Variants in DST observed in about 807,000 individuals in gnomAD.
The protein encoded by DST is bullous pemphigoid antigen.
A neutral mutation model predicts 875.2 loss-of-function variants in DST; 253 were observed. That is an observed-to-expected ratio of 0.29 (90% CI 0.26 to 0.32). The LOEUF is 0.32. Among genes scored for constraint, DST ranks in the 10% least tolerant of loss-of-function variants. The pLI, the probability that DST is intolerant of heterozygous loss-of-function variation, is 1.00. For missense variants in DST, 8,287 were observed against 9,111.6 expected (o/e 0.91, Z 3.68); for synonymous variants, 3,124 against 3,197.1 (o/e 0.98, Z 0.77).
rs747497390 is a variant in DST at position 56,604,792 on chromosome 6, T to C, written c.9836A>G (p.His3279Arg). ...EATLSILSRK[H>R]VEDVGKNDFL... ...ATCATTTTTCCCAACATCTTCTACATGTTTACGAGATAATATTGAAAGTGT... is the reference window on the plus strand; with the variant it reads ...ATCATTTTTCCCAACATCTTCTACACGTTTACGAGATAATATTGAAAGTGT... The change falls in exon 40 of 104, where the codon CAT becomes CGT. Residue 3279 changes from histidine (H) to arginine (R), a missense_variant. His to Arg is a conservative substitution (Grantham distance 29). This residue lies in a region of DST where 3,138 missense variants were observed against 3,116.6 expected (regional missense o/e 1.01). Transcript: ENST00000680361. The C allele has an allele frequency of 3.1e-6, 5 of 1,612,918 alleles. No homozygotes were observed. The East Asian group carries it at 6.7e-5, about 22-fold the overall frequency.
chr6:56,912,965 A>T (rs1269038450), intron 2 of DST, among the ~76,000 whole-genome samples: 1 of 152,196 alleles, frequency 6.6e-6, no homozygotes, highest in African/African-American at 2.4e-5. Flanking sequence ...GCTGGTGGCA[A>T]AATCAAATTT....
rs148477548 is a variant in DST at position 56,528,820 on chromosome 6, T to C, written c.17680+21A>G. 2,773 of 1,451,284 alleles carry C rather than the reference T, an allele frequency of 1.9e-3. 31 individuals are homozygous for C. The highest frequency in any genetic ancestry group is 7.9e-4 in the Non-Finnish European group (828 of 1,052,482). 89.9% of individuals were successfully genotyped at this position (1,451,284 alleles called of 1,614,324 possible). On this transcript the variant is annotated intron_variant, in intron 67 of 103. Transcript: ENST00000680361. ...TATAAAATGCTGACCACATGATGATTTGATTTGAAAGATATCTCACCTGTG... is the reference window on the plus strand; with the variant it reads ...TATAAAATGCTGACCACATGATGATCTGATTTGAAAGATATCTCACCTGTG...
At chr6:56,765,482 A>G (rs1374143672) in intron 4 of DST, among the ~76,000 whole-genome samples, 1 of 152,256 alleles carries the variant, frequency 6.6e-6, no homozygotes, top group Non-Finnish European at 1.5e-5. Flanking sequence ...CAACCATAGT[A>G]GAAATAATGC....
intron 27 of DST, among the ~76,000 whole-genome samples, chr6:56,633,871 C>T (rs1254475274): frequency 6.6e-6 from 1 of 152,200 alleles, no homozygotes; most frequent in Non-Finnish European, 1.5e-5. Flanking sequence ...CTGTACCCAT[C>T]ATCGTATATC....
Position 56,618,123 on chromosome 6 carries a change from C to G in DST, c.4930-3639G>C, listed in dbSNP as rs369745616. 17 of 1,613,996 alleles carry G rather than the reference C, an allele frequency of 1.1e-5. No homozygotes were observed. Among genetic ancestry groups the G allele is most frequent in the Non-Finnish European group, 1.4e-5 (16 of 1,180,030 alleles). Reference sequence around the variant, plus strand: ...AGTCTTGTAATGGGGTTTGTCTCATCAAAAGTTATCTGTAACTCGGTGCTT... The same window carrying G: ...AGTCTTGTAATGGGGTTTGTCTCATGAAAAGTTATCTGTAACTCGGTGCTT... On this transcript the variant is annotated intron_variant, in intron 36 of 103. Coordinates refer to ENST00000680361, the MANE Select transcript of DST (RefSeq NM_001374736.1).
intron 49 of DST, among the ~76,000 whole-genome samples, chr6:56,588,207 G>T (rs1414626142): frequency 1.3e-5 from 2 of 152,100 alleles, no homozygotes; most frequent in African/African-American, 4.8e-5. Flanking sequence ...TAGTCTAAAA[G>T]GTCCAATGAA....
At chr6:56,704,004 A>T (rs887576911) in intron 6 of DST, among the ~76,000 whole-genome samples, 4 of 152,190 alleles carry the variant, frequency 2.6e-5, no homozygotes, top group Non-Finnish European at 4.4e-5. Context: ...AAGCAAAAAA[A>T]CCCAAAGGTA....
intron 9 of DST, among the ~76,000 whole-genome samples, chr6:56,698,017 G>T (rs1325856263): frequency 6.6e-6 from 1 of 152,088 alleles, no homozygotes; most frequent in Non-Finnish European, 1.5e-5. Flanking sequence ...GTCCTTTGGG[G>T]TCCTGGCTTC....
intron 9 of DST, among the ~76,000 whole-genome samples, chr6:56,671,904 A>C (rs1190297758): frequency 6.6e-6 from 1 of 152,200 alleles, no homozygotes; most frequent in Non-Finnish European, 1.5e-5. Context: ...CATAGGTTTG[A>C]ATAATTCATT....
At chr6:56,804,453 G>C (rs1003662417) in intron 4 of DST, among the ~76,000 whole-genome samples, 3 of 152,060 alleles carry the variant, frequency 2.0e-5, no homozygotes, top group Non-Finnish European at 4.4e-5. Flanking sequence ...GATTTAAAGA[G>C]AAAGAAATAA....
intron 4 of DST, among the ~76,000 whole-genome samples, chr6:56,849,241 A>T (rs944396472): frequency 6.7e-6 from 1 of 149,566 alleles, no homozygotes; most frequent in Non-Finnish European, 1.5e-5. Flanking sequence ...GGTTCAAGCA[A>T]TTCTCCTGCC....
At position 56,482,073 on chromosome 6, in the gene DST, G is replaced by A. The variant is rs535961631; in HGVS notation, c.21508C>T (p.Arg7170Trp). ...ACTTTATGCTGATCAATGAGAGTCC[G>A]GAGAGCATCCTCATCATCTGGGAGG... ...GVLPDDEDAL[R>W]TLIDQHKEFM... The change falls in exon 90 of 104, where the codon CGG (arginine) becomes TGG (tryptophan). Residue 7170 changes from arginine to tryptophan, a missense_variant. Transcript: ENST00000680361. 6.2e-6 allele frequency: 10 copies of A among 1,613,490 alleles called. No individual in the cohort carries two copies. The highest frequency in any genetic ancestry group is 4.5e-5 in the East Asian group (2 of 44,856).
At chr6:56,624,168 C>T (rs1193670762) in intron 36 of DST, among the ~76,000 whole-genome samples, 1 of 152,038 alleles carries the variant, frequency 6.6e-6, no homozygotes, top group Non-Finnish European at 1.5e-5. Context: ...ATCATACCAG[C>T]AGTAACTATA....
intron 22 of DST, among the ~76,000 whole-genome samples, chr6:56,638,271 C>G (rs1233361124): frequency 6.6e-6 from 1 of 152,012 alleles, no homozygotes; most frequent in Non-Finnish European, 1.5e-5. Context: ...ACATCCCAGG[C>G]CCTCCATTAC....
intron 4 of DST, chr6:56,742,272 C>A (rs1160743702): frequency 7.8e-7 from 1 of 1,286,802 alleles, no homozygotes; most frequent in Admixed American, 2.3e-5. Flanking sequence ...ACTACTAACC[C>A]ATACAGCACA....
chr6:56,708,464 A>G (rs138604666), intron 5 of DST, among the ~76,000 whole-genome samples: 71 of 152,268 alleles, frequency 4.7e-4, no homozygotes, highest in African/African-American at 1.7e-3. Context: ...GCTATCCCCA[A>G]TACTGCCTGC....
chr6:56,781,818 C>A (rs1022449086), intron 4 of DST, among the ~76,000 whole-genome samples: 2 of 152,070 alleles, frequency 1.3e-5, no homozygotes, highest in Admixed American at 1.3e-4. Flanking sequence ...AAAGGGAATG[C>A]TTCCAGTTTT....
At chr6:56,731,848 T>C (rs142332014) in intron 5 of DST, among the ~76,000 whole-genome samples, 1,884 of 152,294 alleles carry the variant, frequency 0.012, 34 homozygotes, top group African/African-American at 0.042. Flanking sequence ...AAGTTGCAAG[T>C]TTGGGCTTAG....
intron 4 of DST, among the ~76,000 whole-genome samples, chr6:56,764,069 A>G (rs2099625896): frequency 6.7e-6 from 1 of 149,782 alleles, no homozygotes; most frequent in South Asian, 2.1e-4. Context: ...CCTTCCTCAC[A>G]GTCAAAACCT....
Sources: allele counts gnomAD v4.1 joint callset (sites outside exome capture counted in the v4.1 genomes callset), GRCh38; gene constraint gnomAD v4.1.1; regional missense constraint gnomAD v4.1.1; transcripts MANE v1.5; gene names NCBI Gene and HGNC (gene_info 2026-07-23, HGNC 2026-07-21).